PTPRM: variants seen among roughly 807,000 people sequenced by gnomAD.
PTPRM encodes the protein receptor-type tyrosine-protein phosphatase mu.
A neutral mutation model predicts 186.7 loss-of-function variants in PTPRM; 47 were observed. The ratio of observed to expected loss-of-function variants is 0.25; its 90% CI spans 0.20 to 0.32. The LOEUF (loss-of-function observed/expected upper bound fraction) is 0.32. PTPRM is among the 10% of genes least tolerant of loss of function. The pLI is 1.00. For missense variants in PTPRM, 1,494 were observed against 1,865.0 expected (o/e 0.80, Z 3.66); for synonymous variants, 668 against 674.9 (o/e 0.99, Z 0.16).
chr18:8,042,142 T>A (rs762100543), intron 7 of PTPRM, among the ~76,000 whole-genome samples: 1 of 152,198 alleles, frequency 6.6e-6, no homozygotes, highest in Admixed American at 6.5e-5. Context: ...AATCAAGCAC[T>A]GGGGTAATTT....
intron 2 of PTPRM, among the ~76,000 whole-genome samples, chr18:7,877,649 T>C (rs1268155811): frequency 6.6e-6 from 1 of 152,190 alleles, no homozygotes; most frequent in Non-Finnish European, 1.5e-5. Flanking sequence ...GTTCACTTAC[T>C]CAAGGACATA....
chr18:7,716,897 C>A (rs677443), intron 1 of PTPRM, among the ~76,000 whole-genome samples: 96,939 of 152,064 alleles, frequency 0.64, 32,799 homozygotes, highest in East Asian at 0.99. Context: ...AATTAGTTCC[C>A]CCATTGTGGA....
At chr18:8,126,436 G>A (rs2145882599) in intron 13 of PTPRM, among the ~76,000 whole-genome samples, 1 of 152,092 alleles carries the variant, frequency 6.6e-6, no homozygotes, top group East Asian at 1.9e-4. Flanking sequence ...ACTTACAAAA[G>A]CATAATTTCG....
At chr18:8,248,068 A>C (rs2094494445) in intron 16 of PTPRM, 82 bp from the exon 17 acceptor site, 7 of 1,400,496 alleles carry the variant, frequency 5.0e-6, no homozygotes, top group Non-Finnish European at 7.1e-6. Flanking sequence ...TATGCAGAAA[A>C]TAGGGGTGGG....
At chr18:7,651,887 C>T (rs1231521779) in intron 1 of PTPRM, among the ~76,000 whole-genome samples, 1 of 150,908 alleles carries the variant, frequency 6.6e-6, no homozygotes, top group African/African-American at 2.4e-5. Context: ...GCAACAAAAG[C>T]CAAAATTGAC....
intron 2 of PTPRM, among the ~76,000 whole-genome samples, chr18:7,787,438 T>C (rs532999635): frequency 1.3e-5 from 2 of 152,204 alleles, no homozygotes; most frequent in Non-Finnish European, 2.9e-5. Flanking sequence ...ACTTAGATGT[T>C]ACTGCACATG....
At chr18:7,889,511 A>AT (rs1384562488) in intron 3 of PTPRM, among the ~76,000 whole-genome samples, 6 of 150,838 alleles carry the variant, frequency 4.0e-5, no homozygotes, top group South Asian at 2.1e-4. Context: ...AATTTTTTAT[A>AT]TTTTTTTTGT....
intron 1 of PTPRM, among the ~76,000 whole-genome samples, chr18:7,604,003 T>G (rs1442304068): frequency 6.6e-6 from 1 of 152,230 alleles, no homozygotes; most frequent in Non-Finnish European, 1.5e-5. Flanking sequence ...CATAATTATT[T>G]ATAAAATCAT....
chr18:8,299,462 C>G (rs777181276), intron 20 of PTPRM, among the ~76,000 whole-genome samples: 13 of 152,022 alleles, frequency 8.6e-5, no homozygotes, highest in Admixed American at 7.9e-4. Context: ...TGGCATGTGC[C>G]TGTAATCCCA....
intron 1 of PTPRM, among the ~76,000 whole-genome samples, chr18:7,768,072 G>A (rs369353712): frequency 2.6e-5 from 4 of 152,142 alleles, no homozygotes; most frequent in South Asian, 2.1e-4. Context: ...GAGTACCAAG[G>A]TGACTAAGAC....
intron 14 of PTPRM, among the ~76,000 whole-genome samples, chr18:8,181,954 G>A (rs1406969797): frequency 1.3e-5 from 2 of 152,144 alleles, no homozygotes; most frequent in East Asian, 3.9e-4. Context: ...AAGATGAGTA[G>A]CATTTGTTGG....
At chr18:7,963,328 T>A (rs114448321) in intron 7 of PTPRM, among the ~76,000 whole-genome samples, 1,876 of 152,332 alleles carry the variant, frequency 0.012, 28 homozygotes, top group African/African-American at 0.043. Context: ...TTCAGCACTT[T>A]CCCTGTGCTT....
rs906840393 is a variant in PTPRM, at chr18:8,240,824, G to A, written c.2301-3234G>A. Among the ~76,000 whole-genome samples the A allele has an allele frequency of 6.1e-3, 210 of 34,440 alleles. 1 individual carries two copies. Among genetic ancestry groups the A allele is most frequent in the African/African-American group, 0.027 (180 of 6,596 alleles). 22.6% of individuals were successfully genotyped at this position (34,440 alleles called of 152,430 possible). ...AGAGAGAGAGAGAGAGAGAGAGAGA[G>A]AGAAAGAAAGAAAGAAAGAAAAGAA... On this transcript the variant is annotated intron_variant, in intron 14 of 32. Coordinates refer to ENST00000580170, the MANE Select transcript of PTPRM (RefSeq NM_001105244.2).
chr18:8,057,674 A>G lies in PTPRM; in HGVS notation c.1133-12012A>G, dbSNP rs951956966. ...TGTGACCATGTGATCTCATTGTTCA[A>G]TTCCCACCTATGAGTGAGAATATGC... On this transcript the variant is annotated intron_variant, in intron 7 of 32. Coordinates refer to ENST00000580170, the MANE Select transcript of PTPRM (RefSeq NM_001105244.2). 7.0e-3 allele frequency among the ~76,000 whole-genome samples: 723 copies of G among 103,694 alleles called. 12 individuals are homozygous for G. Among genetic ancestry groups the G allele is most frequent in the African/African-American group, 0.028 (692 of 24,836 alleles). The allele number at this position is 103,694 out of a possible 152,430, so 68.0% of individuals were successfully genotyped here.
intron 14 of PTPRM, among the ~76,000 whole-genome samples, chr18:8,219,738 T>C (rs2094133486): frequency 6.6e-6 from 1 of 152,158 alleles, no homozygotes; most frequent in African/African-American, 2.4e-5. Context: ...CAAAACTTGG[T>C]CTAAAAACTT....
At chr18:8,400,386 C>A (rs2095865692) in intron 32 of PTPRM, among the ~76,000 whole-genome samples, 1 of 152,232 alleles carries the variant, frequency 6.6e-6, no homozygotes, top group South Asian at 2.1e-4. Context: ...AGTATCAGCC[C>A]AGGCTGCACT....
At chr18:8,240,815 AGAGAGAGAG>A (rs1442371410) in intron 14 of PTPRM, among the ~76,000 whole-genome samples, 2 of 43,414 alleles carry the variant, frequency 4.6e-5, no homozygotes, top group African/African-American at 2.9e-4. Flanking sequence ...AGAGAGAGAG[AGAGAGAGAG>A]AGAAAGAAAG....
chr18:7,786,770 T>G (rs1170610169), intron 2 of PTPRM, among the ~76,000 whole-genome samples: 2 of 152,180 alleles, frequency 1.3e-5, no homozygotes, highest in Non-Finnish European at 2.9e-5. Flanking sequence ...TACTGTGGAG[T>G]GACAGGCTGC....
At chr18:7,700,993 A>AAAAAAAAAAAAG (rs10653685) in intron 1 of PTPRM, among the ~76,000 whole-genome samples, 20 of 107,342 alleles carry the variant, frequency 1.9e-4, no homozygotes, top group East Asian at 8.6e-4. Flanking sequence ...AAAAAAAAAA[A>AAAAAAAAAAAAG]AAAGAAAGAA....
Sources: allele counts gnomAD v4.1 joint callset (sites outside exome capture counted in the v4.1 genomes callset), GRCh38; gene constraint gnomAD v4.1.1; transcripts MANE v1.5; gene names NCBI Gene and HGNC (gene_info 2026-07-23, HGNC 2026-07-21).